The following JAKMIP1 variants were observed in gnomAD, a reference collection of about 807,000 sequenced individuals.
The protein encoded by JAKMIP1 is janus kinase and microtubule interacting protein 1, also known as janus kinase and microtubule-interacting protein 1.
A neutral mutation model predicts 113.0 loss-of-function variants in JAKMIP1; 33 were observed. That is an observed-to-expected ratio of 0.29 (90% CI 0.22 to 0.39). JAKMIP1 has a LOEUF of 0.39. Among genes scored for constraint, JAKMIP1 ranks in the 10% least tolerant of loss-of-function variants. The probability of loss-of-function intolerance (pLI) is 1.00; values close to 1 mark genes in which losing one functional copy is unlikely to be tolerated. For missense variants in JAKMIP1, 813 were observed against 1,080.5 expected (o/e 0.75, Z 3.47); for synonymous variants, 480 against 459.9 (o/e 1.04, Z -0.56).
In JAKMIP1 at chr4:6,054,049, C is replaced by T. The variant is rs201789194; in HGVS notation, c.1806+1G>A. 2 of 1,614,208 alleles carry T rather than the reference C, an allele frequency of 1.2e-6. No individual in the cohort carries two copies. Among genetic ancestry groups the T allele is most frequent in the East Asian group, 2.2e-5 (1 of 44,894 alleles). ...AGTTTACAACAGATAGAGTCTCTTA[C>T]TTCGAGTTCTAGCACTCTGAATTCT... On this transcript the variant is annotated splice_donor_variant, in intron 13 of 20. Coordinates refer to ENST00000409021, the MANE Select transcript of JAKMIP1 (RefSeq NM_001099433.2). LOFTEE classifies it high-confidence loss of function.
intron 1 of JAKMIP1, among the ~76,000 whole-genome samples, chr4:6,173,921 CA>C (rs201448781): frequency 6.6e-6 from 1 of 151,088 alleles, no homozygotes; most frequent in Admixed American, 6.6e-5. Flanking sequence ...ACTAAAAATA[CA>C]AAAAAAAAAT....
At position 6,156,157 on chromosome 4, in the gene JAKMIP1, G is replaced by A. The variant is rs927725895; in HGVS notation, c.-147-43160C>T. On this transcript the variant is annotated intron_variant, in intron 1 of 20. Transcript: ENST00000409021. The surrounding 1 kb of genome is among the most constrained non-coding windows in gnomAD (Gnocchi z 5.0). Reference sequence around the variant, plus strand: ...TGTGTGTTTCTTGGGAGCAGAGACCGGGAACATCTTCTCACCGTACCACGC... The same window carrying A: ...TGTGTGTTTCTTGGGAGCAGAGACCAGGAACATCTTCTCACCGTACCACGC... Among the ~76,000 whole-genome samples the A allele has an allele frequency of 6.6e-6, 1 of 152,170 alleles. No homozygotes were observed. The highest frequency in any genetic ancestry group is 1.9e-4 in the East Asian group (1 of 5,192).
At chr4:6,104,012 T>C (rs7657144) in intron 3 of JAKMIP1, among the ~76,000 whole-genome samples, 36 of 152,368 alleles carry the variant, frequency 2.4e-4, no homozygotes, top group African/African-American at 6.7e-4. Flanking sequence ...TGGAGTTTAA[T>C]TTGCTGTTCT....
At chr4:6,033,187 T>C (rs561673513) in intron 19 of JAKMIP1, among the ~76,000 whole-genome samples, 3 of 152,322 alleles carry the variant, frequency 2.0e-5, no homozygotes, top group South Asian at 4.1e-4. Flanking sequence ...CAATTTCAGC[T>C]GGGGCTGGGC....
chr4:6,150,317 A>G lies in JAKMIP1; in HGVS notation c.-147-37320T>C, dbSNP rs1454679925. 6.6e-6 allele frequency: 1 copy of G among 152,244 alleles called. No homozygotes were observed. The highest frequency in any genetic ancestry group is 1.5e-5 in the Non-Finnish European group (1 of 68,092). The allele number at this position is 152,244 out of a possible 1,614,324, so 9.4% of individuals were successfully genotyped here. A position where few individuals can be genotyped will look rare whatever the true frequency, so the allele number is the denominator to read the frequency against. ...ACCCAACCTCCCAGTACAGAGAAGG[A>G]GAAACACCTCAGAGAAAGCAAGCAG... On this transcript the variant is annotated intron_variant, in intron 1 of 20. Coordinates refer to ENST00000409021, the MANE Select transcript of JAKMIP1 (RefSeq NM_001099433.2). The surrounding 1 kb of genome is among the most constrained non-coding windows in gnomAD (Gnocchi z 4.8).
Position 6,184,655 on chromosome 4 carries a change from G to A in JAKMIP1, c.-148+15598C>T, listed in dbSNP as rs116320675. Among the ~76,000 whole-genome samples the A allele has an allele frequency of 0.015, 2,315 of 152,338 alleles. 20 individuals carry two copies. Among genetic ancestry groups the A allele is most frequent in the Middle Eastern group, 0.058 (17 of 294 alleles). Reference sequence around the variant, plus strand: ...ATTCAGCAAGAGAGCAGGGGTGATTGTGCCTATCGAAGGGAAGCAACCAAT... The same window carrying A: ...ATTCAGCAAGAGAGCAGGGGTGATTATGCCTATCGAAGGGAAGCAACCAAT... On this transcript the variant is annotated intron_variant, in intron 1 of 20. Coordinates refer to ENST00000409021, the MANE Select transcript of JAKMIP1 (RefSeq NM_001099433.2). This position sits in a 1 kb window ranked among gnomAD's most constrained non-coding sequence, Gnocchi z 4.5.
In JAKMIP1 at chr4:6,062,401, G is replaced by T. The variant is rs547846737; in HGVS notation, c.1471C>A (p.Leu491Met). ...TGCAGGGCCTGGTACTCCCGGGTCAGCTGGCAGAAGCGCAGGTCAGCCTCC... is the reference window on the plus strand; with the variant it reads ...TGCAGGGCCTGGTACTCCCGGGTCATCTGGCAGAAGCGCAGGTCAGCCTCC... ...REEADLRFCQ[L>M]TREYQALQRA... The change falls in exon 10 of 21, where the codon CTG (leucine) becomes ATG (methionine). Residue 491 changes from leucine to methionine, a missense_variant. Leu to Met is a conservative substitution (Grantham distance 15). This residue lies in a region of JAKMIP1 where 273 missense variants were observed against 426.6 expected (regional missense o/e 0.64). Transcript: ENST00000409021. 3.7e-6 allele frequency: 6 copies of T among 1,613,712 alleles called. No individual in the cohort carries two copies. Among genetic ancestry groups the T allele is most frequent in the Non-Finnish European group, 5.1e-6 (6 of 1,179,972 alleles).
intron 3 of JAKMIP1, 31 bp downstream of exon 3, chr4:6,105,442 G>GC (rs768846492): frequency 2.6e-6 from 4 of 1,549,632 alleles, no homozygotes; most frequent in Non-Finnish European, 2.6e-6. Context: ...AAGGCCGCGT[G>GC]CCCGCGGGCG....
intron 1 of JAKMIP1, among the ~76,000 whole-genome samples, chr4:6,124,313 T>C (rs532067639): frequency 4.1e-4 from 62 of 152,274 alleles, no homozygotes; most frequent in African/African-American, 1.4e-3. Context: ...CTCATCAACA[T>C]AGAAATGACG....
chr4:6,027,606 C>T (rs1712034799), intron 20 of JAKMIP1, among the ~76,000 whole-genome samples: 2 of 152,314 alleles, frequency 1.3e-5, no homozygotes, highest in African/African-American at 4.8e-5. Flanking sequence ...GCCCTACAGG[C>T]CTCGTCAGGC....
chr4:6,151,908 C>T (rs978964061), intron 1 of JAKMIP1, among the ~76,000 whole-genome samples: 3 of 152,298 alleles, frequency 2.0e-5, no homozygotes, highest in African/African-American at 7.2e-5. Flanking sequence ...AGCACAGTGC[C>T]AGGTACATGA....
Position 6,080,162 on chromosome 4 carries a change from C to A in JAKMIP1, c.1242+10G>T. The A allele has an allele frequency of 6.3e-7, 1 of 1,596,856 alleles. No homozygotes were observed. ...GCCAGGGGCAGCCGCGCCAGCTGTGCTAGATGTACCAGTGAGAGGTCGTCA... is the reference window on the plus strand; with the variant it reads ...GCCAGGGGCAGCCGCGCCAGCTGTGATAGATGTACCAGTGAGAGGTCGTCA... On this transcript the variant is annotated intron_variant, in intron 7 of 20. Transcript: ENST00000409021. The surrounding 1 kb of genome is among the most constrained non-coding windows in gnomAD (Gnocchi z 6.0).
intron 19 of JAKMIP1, 116 bp from the exon 20 acceptor site, chr4:6,029,897 C>T (rs1560619535): frequency 4.1e-6 from 3 of 736,004 alleles, no homozygotes; most frequent in South Asian, 1.6e-5. Context: ...ACACTGTGGG[C>T]AGCCTGATGA....
chr4:6,114,771 C>T (rs1024950830), intron 1 of JAKMIP1, among the ~76,000 whole-genome samples: 2 of 152,238 alleles, frequency 1.3e-5, no homozygotes, highest in African/African-American at 4.8e-5. Flanking sequence ...ATACATAATT[C>T]ATTCCTCACC....
chr4:6,049,667 C>T lies in JAKMIP1; in HGVS notation c.1962+152G>A, dbSNP rs975874973. Among the ~76,000 whole-genome samples, 1 of 152,078 alleles carries T rather than the reference C, an allele frequency of 6.6e-6. No homozygotes were observed. The highest frequency in any genetic ancestry group is 1.5e-5 in the Non-Finnish European group (1 of 68,018). ...TGACGAATGCCAACCCCACCACCCA[C>T]ACAGGAACACGGCCATACAAAAGCC... On this transcript the variant is annotated intron_variant, in intron 15 of 20. Transcript: ENST00000409021. This position sits in a 1 kb window ranked among gnomAD's most constrained non-coding sequence, Gnocchi z 7.0.
intron 1 of JAKMIP1, among the ~76,000 whole-genome samples, chr4:6,171,213 TCAC>T (rs1458787287): frequency 3.1e-4 from 44 of 141,338 alleles, no homozygotes; most frequent in African/African-American, 8.8e-4. Flanking sequence ...ATCACCATCA[TCAC>T]CACCACCACC....
chr4:6,134,126 T>C (rs1056094025), intron 1 of JAKMIP1, among the ~76,000 whole-genome samples: 17 of 152,228 alleles, frequency 1.1e-4, no homozygotes, highest in African/African-American at 4.1e-4. Context: ...GTTCTCATGA[T>C]AGTGAATGAG....
At chr4:6,171,928 C>T (rs780875355) in intron 1 of JAKMIP1, among the ~76,000 whole-genome samples, 8 of 152,326 alleles carry the variant, frequency 5.3e-5, no homozygotes, top group African/African-American at 1.7e-4. Context: ...GCCATGCAGA[C>T]ATTTAACAGC....
At chr4:6,083,842 G>GA (rs1211052362) in intron 5 of JAKMIP1, among the ~76,000 whole-genome samples, 2 of 151,992 alleles carry the variant, frequency 1.3e-5, no homozygotes, top group Non-Finnish European at 2.9e-5. Flanking sequence ...CTGTTATCCA[G>GA]AAAATGTAAA....
Sources: gnomAD v4.1 joint callset for allele counts (sites outside exome capture counted in the v4.1 genomes callset) on GRCh38, gnomAD v4.1.1 for gene constraint, gnomAD v4.1.1 regional missense constraint, Gnocchi (gnomAD v3.1) non-coding constraint, MANE v1.5 for transcripts, NCBI Gene and HGNC (gene_info 2026-07-23, HGNC 2026-07-21) for gene names.